The following ANKRD28 variants were observed in gnomAD, a reference collection of about 807,000 sequenced individuals.
The protein encoded by ANKRD28 is serine/threonine-protein phosphatase 6 regulatory ankyrin repeat subunit A.
In ANKRD28, 44 loss-of-function variants were observed where a neutral mutation model predicts 126.5. That is an observed-to-expected ratio of 0.35 (90% CI 0.27 to 0.45). The LOEUF (loss-of-function observed/expected upper bound fraction) is 0.45, where lower values mean the gene tolerates loss of function less well. Ranked by LOEUF, ANKRD28 falls within the 20% of genes least tolerant of loss-of-function variation. The pLI, the probability that ANKRD28 is intolerant of heterozygous loss-of-function variation, is 1.00. For missense variants in ANKRD28, 1,110 were observed against 1,316.6 expected, an observed-to-expected ratio of 0.84 and a Z score of 2.43; for synonymous variants, 442 against 468.5, an observed-to-expected ratio of 0.94 and a Z score of 0.73.
At chr3:15,828,704 G>GA (rs1320713404) in intron 1 of ANKRD28, among the ~76,000 whole-genome samples, 2 of 151,952 alleles carry the variant, frequency 1.3e-5, no homozygotes, top group Admixed American at 1.3e-4. Context: ...CCTAATCTCT[G>GA]ACAGATTTTC....
chr3:15,737,600 G>C (rs183418401), intron 4 of ANKRD28, among the ~76,000 whole-genome samples: 213 of 20,162 alleles, frequency 0.011, no homozygotes, highest in South Asian at 0.021. Context: ...GAGTAGCTAG[G>C]ACTACAGGTG....
rs2060340958 is a variant in ANKRD28, at chr3:15,797,723, G to A, written c.-1202C>T. ...ACTTTATTCAGTCATCTGCCTCTTT[G>A]CCAATATAGTTTCCTTCCACTGTGA... On this transcript the variant is annotated 5_prime_UTR_variant, in exon 1 of 28. Coordinates refer to ENST00000683139, the MANE Select transcript of ANKRD28 (RefSeq NM_001349278.2). The A allele has an allele frequency of 1.0e-6, 1 of 985,218 alleles. No homozygotes were observed. The highest frequency in any genetic ancestry group is 1.2e-6 in the Non-Finnish European group (1 of 829,932). 61.0% of individuals were successfully genotyped at this position (985,218 alleles called of 1,614,324 possible). A position where few individuals can be genotyped will look rare whatever the true frequency, so the allele number is the denominator to read the frequency against.
chr3:15,688,159 G>A (rs957492543), intron 18 of ANKRD28, among the ~76,000 whole-genome samples: 10 of 152,142 alleles, frequency 6.6e-5, no homozygotes, highest in Non-Finnish European at 1.3e-4. Flanking sequence ...TTTACCTATT[G>A]AGAGTGCAAC....
At chr3:15,767,566 AG>A (rs1351959556) in intron 2 of ANKRD28, among the ~76,000 whole-genome samples, 2 of 151,996 alleles carry the variant, frequency 1.3e-5, no homozygotes, top group African/African-American at 4.8e-5. Flanking sequence ...TCAACTTAAA[AG>A]ACAACTACTC....
intron 2 of ANKRD28, among the ~76,000 whole-genome samples, chr3:15,772,463 G>A (rs1303221832): frequency 6.6e-6 from 1 of 151,994 alleles, no homozygotes; most frequent in Non-Finnish European, 1.5e-5. Flanking sequence ...CATCAACAGA[G>A]ACATAAATAT....
intron 21 of ANKRD28, among the ~76,000 whole-genome samples, chr3:15,683,436 C>T (rs946291345): frequency 2.6e-5 from 4 of 152,162 alleles, no homozygotes; most frequent in African/African-American, 4.8e-5. Flanking sequence ...ACACTCATTT[C>T]TACTTGCCTT....
chr3:15,691,799 T>G (rs1000917671), intron 17 of ANKRD28, among the ~76,000 whole-genome samples: 1 of 152,182 alleles, frequency 6.6e-6, no homozygotes, highest in African/African-American at 2.4e-5. Context: ...GAATGAACTC[T>G]GAGGAATCAT....
rs542384732 is a variant in ANKRD28, at chr3:15,850,319, C to A, written c.27+9058G>T. On this transcript the variant is annotated intron_variant, in intron 1 of 27. Transcript: ENST00000399451. ...AAACAACTCAATATGGATCACAGCCCTAAATGTAAGAGCTAAAAACTTTTC... is the reference window on the plus strand; with the variant it reads ...AAACAACTCAATATGGATCACAGCCATAAATGTAAGAGCTAAAAACTTTTC... Among the ~76,000 whole-genome samples the A allele has an allele frequency of 2.7e-5, 4 of 148,210 alleles. No individual in the cohort carries two copies. In the South Asian group the frequency reaches 8.6e-4, roughly 32 times the overall value.
At chr3:15,778,517 T>C (rs1231068525) in intron 2 of ANKRD28, among the ~76,000 whole-genome samples, 4 of 152,166 alleles carry the variant, frequency 2.6e-5, no homozygotes, top group Admixed American at 6.5e-5. Context: ...CAGCCAGAGG[T>C]CACCCTCCAC....
intron 17 of ANKRD28, among the ~76,000 whole-genome samples, chr3:15,694,400 T>A (rs2069233101): frequency 6.6e-6 from 1 of 152,136 alleles, no homozygotes. Context: ...AGCCAACTTA[T>A]AAGGCATTCC....
chr3:15,848,689 T>A (rs76638168), intron 1 of ANKRD28, among the ~76,000 whole-genome samples: 4 of 150,158 alleles, frequency 2.7e-5, no homozygotes, highest in East Asian at 2.0e-4. Flanking sequence ...AAAAAAAAAA[T>A]ATAGCAGCAG....
At chr3:15,782,127 C>T (rs1399508303) in intron 2 of ANKRD28, among the ~76,000 whole-genome samples, 2 of 152,076 alleles carry the variant, frequency 1.3e-5, no homozygotes, top group East Asian at 1.9e-4. Flanking sequence ...TAAGATTTTT[C>T]ATATACCTAC....
chr3:15,721,166 T>G, intron 7 of ANKRD28, 39 bp from the exon 8 acceptor site: 1 of 1,559,318 alleles, frequency 6.4e-7, no homozygotes. Flanking sequence ...TAAAGTAGTT[T>G]TGCTAATTAT....
intron 1 of ANKRD28, among the ~76,000 whole-genome samples, chr3:15,834,174 A>G (rs1240369353): frequency 6.6e-6 from 1 of 152,136 alleles, no homozygotes; most frequent in African/African-American, 2.4e-5. Flanking sequence ...GGTTTTCTTC[A>G]GTATTTTTAT....
At chr3:15,688,408 G>A (rs919617264) in intron 18 of ANKRD28, among the ~76,000 whole-genome samples, 5 of 152,086 alleles carry the variant, frequency 3.3e-5, no homozygotes, top group Non-Finnish European at 5.9e-5. Context: ...ACAGGCATGC[G>A]CCACCAAGTT....
intron 17 of ANKRD28, among the ~76,000 whole-genome samples, chr3:15,694,517 CTTT>C (rs376633083): frequency 7.0e-6 from 1 of 142,642 alleles, no homozygotes. Context: ...CACTGTCTGT[CTTT>C]TTTTTTTTTT....
At chr3:15,827,528 G>A (rs546091352) in intron 1 of ANKRD28, among the ~76,000 whole-genome samples, 13 of 152,202 alleles carry the variant, frequency 8.5e-5, no homozygotes, top group Admixed American at 3.3e-4. Flanking sequence ...TTATTCTTTT[G>A]CATGTGGGGA....
At chr3:15,813,573 T>C (rs1391846405) in intron 1 of ANKRD28, among the ~76,000 whole-genome samples, 2 of 152,186 alleles carry the variant, frequency 1.3e-5, no homozygotes, top group Non-Finnish European at 2.9e-5. Flanking sequence ...AATCAATTAC[T>C]GGGCCATAAT....
intron 4 of ANKRD28, among the ~76,000 whole-genome samples, chr3:15,743,789 A>G (rs1021525008): frequency 4.6e-5 from 7 of 152,184 alleles, no homozygotes; most frequent in African/African-American, 1.7e-4. Flanking sequence ...AGAGTTGGGG[A>G]GTCTAGGAAT....
Sources: allele counts gnomAD v4.1 joint callset (sites outside exome capture counted in the v4.1 genomes callset), GRCh38; gene constraint gnomAD v4.1.1; transcripts MANE v1.5; gene names NCBI Gene and HGNC (gene_info 2026-07-23, HGNC 2026-07-21).